Variants in TENM2 observed in about 807,000 individuals in gnomAD.
The protein encoded by TENM2 is teneurin-2.
TENM2 carries 52 observed loss-of-function variants against 245.2 expected under a neutral mutation model. The ratio of observed to expected loss-of-function variants is 0.21; its 90% CI spans 0.17 to 0.27. The LOEUF is 0.27. Ranked by LOEUF, TENM2 falls within the 10% of genes least tolerant of loss-of-function variation. The pLI is 1.00. For synonymous variants in TENM2, 1,363 were observed against 1,438.9 expected (o/e 0.95, Z 1.19); for missense variants, 3,046 against 3,666.8 (o/e 0.83, Z 4.37).
intron 7 of TENM2, among the ~76,000 whole-genome samples, chr5:168,089,081 G>A (rs540497495): frequency 6.6e-6 from 1 of 152,338 alleles, no homozygotes; most frequent in African/African-American, 2.4e-5. Flanking sequence ...GAGTTCACAA[G>A]ATTAGTCCAG....
At chr5:167,221,109 T>A in the TENM2 span, among the ~76,000 whole-genome samples, 1 of 152,156 alleles carries the variant, frequency 6.6e-6, no homozygotes, top group Non-Finnish European at 1.5e-5. Context: ...ATTACAGGCA[T>A]GAACCACCGC....
intron 1 of TENM2, among the ~76,000 whole-genome samples, chr5:167,358,267 C>A (rs1425006129): frequency 6.6e-6 from 1 of 152,162 alleles, no homozygotes; most frequent in Non-Finnish European, 1.5e-5. Context: ...ATATACCCCT[C>A]CACATAATTG....
chr5:167,977,138 A>G (rs1782499543), intron 4 of TENM2, among the ~76,000 whole-genome samples: 1 of 152,138 alleles, frequency 6.6e-6, no homozygotes, highest in African/African-American at 2.4e-5. Context: ...CATGGACACA[A>G]AAAGGGAAGC....
intron 8 of TENM2, among the ~76,000 whole-genome samples, chr5:168,092,788 A>G (rs1012098636): frequency 3.3e-5 from 5 of 152,222 alleles, no homozygotes; most frequent in African/African-American, 1.2e-4. Flanking sequence ...CTTGACACGT[A>G]CGTGACAGCA....
At chr5:167,730,437 G>A (rs896757403) in intron 2 of TENM2, among the ~76,000 whole-genome samples, 5 of 152,140 alleles carry the variant, frequency 3.3e-5, no homozygotes, top group East Asian at 1.9e-4. Context: ...GTAAACACCC[G>A]TTTTTGGTGT....
At chr5:168,051,192 C>A (rs1409945147) in intron 6 of TENM2, among the ~76,000 whole-genome samples, 3 of 152,192 alleles carry the variant, frequency 2.0e-5, no homozygotes, top group African/African-American at 7.2e-5. Context: ...AATAAACTAT[C>A]AAGTATAGAA....
chr5:167,471,442 C>G (rs927206273), intron 2 of TENM2, among the ~76,000 whole-genome samples: 3 of 151,998 alleles, frequency 2.0e-5, no homozygotes, highest in Admixed American at 2.0e-4. Flanking sequence ...GGAGTTAATA[C>G]AATAACAAAA....
chr5:167,235,587 G>A, the TENM2 span, among the ~76,000 whole-genome samples: 4 of 152,080 alleles, frequency 2.6e-5, no homozygotes, highest in African/African-American at 7.2e-5. Flanking sequence ...GGTATTGATC[G>A]CAGTCTCTCC....
chr5:167,852,269 A>G (rs571086984), intron 2 of TENM2, among the ~76,000 whole-genome samples: 66 of 152,362 alleles, frequency 4.3e-4, no homozygotes, highest in African/African-American at 1.4e-3. Flanking sequence ...GTAATCGATT[A>G]TTGTTTTTCA....
At chr5:167,364,299 A>G (rs550075321) in intron 1 of TENM2, among the ~76,000 whole-genome samples, 6 of 152,276 alleles carry the variant, frequency 3.9e-5, no homozygotes, top group African/African-American at 1.4e-4. Context: ...ACCACTAAAA[A>G]ATCTGTGAAA....
chr5:167,635,165 A>G (rs1779115418), intron 2 of TENM2, among the ~76,000 whole-genome samples: 1 of 152,208 alleles, frequency 6.6e-6, no homozygotes, highest in Non-Finnish European at 1.5e-5. Context: ...TAATATGTGT[A>G]TATAATCTAT....
chr5:168,018,073 GA>G (rs1785817276), intron 5 of TENM2, among the ~76,000 whole-genome samples: 1 of 152,192 alleles, frequency 6.6e-6, no homozygotes, highest in South Asian at 2.1e-4. Context: ...GCAAAATGGA[GA>G]AATTAACTGC....
At chr5:167,143,062 G>A in the TENM2 span, among the ~76,000 whole-genome samples, 1 of 152,156 alleles carries the variant, frequency 6.6e-6, no homozygotes, top group Non-Finnish European at 1.5e-5. Context: ...CATAAGTATT[G>A]CCCACACTGT....
At chr5:167,659,731 GA>G (rs200684178) in intron 2 of TENM2, among the ~76,000 whole-genome samples, 4 of 151,230 alleles carry the variant, frequency 2.6e-5, no homozygotes, top group South Asian at 2.1e-4. Flanking sequence ...GGATCACAGG[GA>G]AAAAAAAATC....
intron 2 of TENM2, among the ~76,000 whole-genome samples, chr5:167,837,525 A>G (rs1769110664): frequency 6.6e-6 from 1 of 152,210 alleles, no homozygotes; most frequent in Admixed American, 6.5e-5. Context: ...ATTCATTTCT[A>G]AAGGTTACAT....
the TENM2 span, among the ~76,000 whole-genome samples, chr5:167,254,602 T>TA: frequency 6.6e-6 from 1 of 152,074 alleles, no homozygotes; most frequent in Non-Finnish European, 1.5e-5. Context: ...GAGCTTATAT[T>TA]ACCAAGAAAG....
chr5:167,057,348 G>T, the TENM2 span, among the ~76,000 whole-genome samples: 1 of 152,230 alleles, frequency 6.6e-6, no homozygotes, highest in Middle Eastern at 3.4e-3. Context: ...TCTGATGCTT[G>T]TACAGTCTCT....
chr5:167,276,386 G>C, the TENM2 span, among the ~76,000 whole-genome samples: 1 of 150,406 alleles, frequency 6.6e-6, no homozygotes, highest in Non-Finnish European at 1.5e-5. Flanking sequence ...GTGTGTGTGT[G>C]TGTGTGTGTG....
At chr5:167,246,516 T>C in the TENM2 span, among the ~76,000 whole-genome samples, 2 of 152,074 alleles carry the variant, frequency 1.3e-5, no homozygotes, top group South Asian at 4.1e-4. Context: ...TTTGTTATAG[T>C]ATATTTCTAT....
Sources: allele counts gnomAD v4.1 joint callset (sites outside exome capture counted in the v4.1 genomes callset), GRCh38; gene constraint gnomAD v4.1.1; transcripts MANE v1.5; gene names NCBI Gene and HGNC (gene_info 2026-07-23, HGNC 2026-07-21).